Variants in DLG2 observed in about 807,000 individuals in gnomAD.
The protein encoded by DLG2 is disks large homolog 2.
Under a neutral mutation model 132.5 loss-of-function variants are expected in DLG2, and 45 were observed. The observed-to-expected ratio is 0.34, with a 90% CI of 0.27 to 0.44. The LOEUF (loss-of-function observed/expected upper bound fraction) is 0.44, where lower values mean the gene tolerates loss of function less well. Ranked by LOEUF, DLG2 falls within the 20% of genes least tolerant of loss-of-function variation. DLG2 has a pLI of 1.00. For missense variants in DLG2, 1,045 were observed against 1,196.9 expected, an observed-to-expected ratio of 0.87 and a Z score of 1.87; for synonymous variants, 424 against 419.6, an observed-to-expected ratio of 1.01 and a Z score of -0.13.
intron 6 of DLG2, among the ~76,000 whole-genome samples, chr11:84,818,211 T>C (rs934963475): frequency 7.9e-5 from 12 of 152,012 alleles, no homozygotes; most frequent in Admixed American, 2.6e-4. Context: ...ATTCTGCCCT[T>C]AGGAAATTCT....
In DLG2 at chr11:84,330,966, T is replaced by C. The variant is rs79670141; in HGVS notation, c.520-79675A>G. ...CAAAATTTGCATTTGCCTTCTCTGTTCTTATTTACAGATCCTAAGGAAAGG... is the reference window on the plus strand; with the variant it reads ...CAAAATTTGCATTTGCCTTCTCTGTCCTTATTTACAGATCCTAAGGAAAGG... On this transcript the variant is annotated intron_variant, in intron 7 of 27. Transcript: ENST00000376104. Among the ~76,000 whole-genome samples the C allele has an allele frequency of 7.3e-3, 1,119 of 152,346 alleles. 21 individuals carry two copies. The highest frequency in any genetic ancestry group is 0.035 in the Admixed American group (536 of 15,310).
rs192235305 is a variant in DLG2, at chr11:84,763,138, C to T, written c.358-228407G>A. ...GAGTCCGTATCTGTCTATTCACTGC[C>T]ACATTTCCACACTAGCAAGTGCCAA... On this transcript the variant is annotated intron_variant, in intron 6 of 27. Transcript: ENST00000376104. 4.0e-3 allele frequency among the ~76,000 whole-genome samples: 605 copies of T among 152,256 alleles called. 7 individuals carry two copies. Among genetic ancestry groups the T allele is most frequent in the Admixed American group, 3.0e-3 (46 of 15,288 alleles).
chr11:83,984,445 CTT>C, intron 11 of DLG2, among the ~76,000 whole-genome samples: 1 of 152,192 alleles, frequency 6.6e-6, no homozygotes. Context: ...TTATTTAACA[CTT>C]AATCATATTC....
At chr11:84,502,402 CTTTCTT>C (rs2099221799) in intron 7 of DLG2, among the ~76,000 whole-genome samples, 1 of 96,582 alleles carries the variant, frequency 1.0e-5, no homozygotes, top group African/African-American at 4.6e-5. Flanking sequence ...TTCTTTCTTT[CTTTCTT>C]TCTTTCTATA....
intron 7 of DLG2, among the ~76,000 whole-genome samples, chr11:84,426,258 C>A (rs1424413985): frequency 2.0e-5 from 3 of 152,026 alleles, no homozygotes; most frequent in African/African-American, 7.2e-5. Flanking sequence ...TATCTAGGTT[C>A]AAATCCCCAA....
chr11:85,308,697 A>G (rs2080122987), intron 3 of DLG2, among the ~76,000 whole-genome samples: 2 of 152,150 alleles, frequency 1.3e-5, no homozygotes, highest in Non-Finnish European at 2.9e-5. Flanking sequence ...CTTCAATTAA[A>G]CTTTTGAGAG....
At chr11:85,003,936 G>T (rs1020176513) in intron 6 of DLG2, among the ~76,000 whole-genome samples, 1 of 152,038 alleles carries the variant, frequency 6.6e-6, no homozygotes, top group African/African-American at 2.4e-5. Flanking sequence ...TGTTCTCATT[G>T]TTCAACTCCC....
rs187218507 is a variant in DLG2, at chr11:84,378,805, C to T, written c.520-127514G>A. 1.5e-3 allele frequency among the ~76,000 whole-genome samples: 231 copies of T among 150,774 alleles called. 2 individuals carry two copies. The highest frequency in any genetic ancestry group is 9.7e-4 in the Non-Finnish European group (66 of 67,808). ...ATACAAAAAAAAAAAATTAGTTGGG[C>T]GTGGTGGCGCACACTGGTATTCACA... On this transcript the variant is annotated intron_variant, in intron 7 of 27. Coordinates refer to ENST00000376104, the MANE Select transcript of DLG2 (RefSeq NM_001142699.3).
chr11:83,723,339 CA>C (rs1190666697), intron 18 of DLG2, among the ~76,000 whole-genome samples: 2 of 152,058 alleles, frequency 1.3e-5, no homozygotes, highest in Non-Finnish European at 2.9e-5. Flanking sequence ...GACATCGCAC[CA>C]CTGCACTCCA....
intron 9 of DLG2, among the ~76,000 whole-genome samples, chr11:84,121,081 CCTT>C (rs1248419282): frequency 6.6e-6 from 1 of 152,284 alleles, no homozygotes; most frequent in East Asian, 1.9e-4. Flanking sequence ...TTATTGAACA[CCTT>C]CTCTTTACCT....
At chr11:83,910,823 A>G (rs924747187) in intron 15 of DLG2, among the ~76,000 whole-genome samples, 3 of 152,124 alleles carry the variant, frequency 2.0e-5, no homozygotes, top group African/African-American at 7.2e-5. Flanking sequence ...CGTGATGATT[A>G]TTAAAGATGA....
At chr11:85,509,829 G>T (rs576956326) in intron 3 of DLG2, 12 of 152,102 alleles carry the variant, frequency 7.9e-5, no homozygotes, top group African/African-American at 2.9e-4. Context: ...AAGAAGTACA[G>T]AACACTATGA....
intron 6 of DLG2, among the ~76,000 whole-genome samples, chr11:85,069,243 C>T (rs1162144410): frequency 6.6e-6 from 1 of 152,072 alleles, no homozygotes; most frequent in African/African-American, 2.4e-5. Flanking sequence ...TAGGCATGGG[C>T]AAGGACTTCA....
At chr11:84,919,814 A>G (rs547152180) in intron 6 of DLG2, among the ~76,000 whole-genome samples, 7 of 152,362 alleles carry the variant, frequency 4.6e-5, no homozygotes, top group Non-Finnish European at 1.0e-4. Flanking sequence ...AGCTTCCTGC[A>G]TATTTTCTCA....
chr11:83,727,559 C>T (rs2090247835), intron 18 of DLG2, among the ~76,000 whole-genome samples: 1 of 152,200 alleles, frequency 6.6e-6, no homozygotes, highest in African/African-American at 2.4e-5. Context: ...TACTGGACAC[C>T]TCTTCCTTCC....
chr11:85,465,666 T>C (rs1018770786), intron 3 of DLG2, among the ~76,000 whole-genome samples: 6 of 152,218 alleles, frequency 3.9e-5, no homozygotes, highest in African/African-American at 9.6e-5. Context: ...TAGTATTCCA[T>C]GGTGTATGTG....
chr11:84,368,296 A>C (rs2098692255), intron 7 of DLG2, among the ~76,000 whole-genome samples: 1 of 152,048 alleles, frequency 6.6e-6, no homozygotes, highest in Non-Finnish European at 1.5e-5. Context: ...TTTTCCCAGC[A>C]TATCACAACT....
rs1222972440 is a variant in DLG2 at position 84,502,267 on chromosome 11, C to T, written c.519+32303G>A. Among the ~76,000 whole-genome samples, 58 of 24,356 alleles carry T rather than the reference C, an allele frequency of 2.4e-3. 7 individuals carry two copies. The South Asian group carries it at 0.028, about 12-fold the overall frequency. 16.0% of individuals were successfully genotyped at this position (24,356 alleles called of 152,430 possible). Reference sequence around the variant, plus strand: ...CCTTCCTTCCTTCCTTCCTTCCTTCCTTCCTTCCTTCCTTCTTTCTTTCTT... The same window carrying T: ...CCTTCCTTCCTTCCTTCCTTCCTTCTTTCCTTCCTTCCTTCTTTCTTTCTT... On this transcript the variant is annotated intron_variant, in intron 7 of 27. Transcript: ENST00000376104.
At chr11:83,562,795 A>T (rs906192386) in intron 19 of DLG2, among the ~76,000 whole-genome samples, 5 of 151,966 alleles carry the variant, frequency 3.3e-5, no homozygotes, top group African/African-American at 1.2e-4. Flanking sequence ...TTTTATTCTA[A>T]TTAGAAATCA....
Sources: allele counts gnomAD v4.1 joint callset (sites outside exome capture counted in the v4.1 genomes callset), GRCh38; gene constraint gnomAD v4.1.1; transcripts MANE v1.5; gene names NCBI Gene and HGNC (gene_info 2026-07-23, HGNC 2026-07-21).